Variants in SMARCC1 observed in about 807,000 individuals in gnomAD.
SMARCC1 encodes SWI/SNF related BAF chromatin remodeling complex subunit C1.
Under a neutral mutation model 147.4 loss-of-function variants are expected in SMARCC1, and 43 were observed. The observed-to-expected ratio is 0.29, with a 90% CI of 0.23 to 0.38. SMARCC1 has a LOEUF of 0.38. SMARCC1 is among the 10% of genes least tolerant of loss of function. The pLI is 1.00. For synonymous variants in SMARCC1, 495 were observed against 484.4 expected (o/e 1.02, Z -0.29); for missense variants, 1,119 against 1,381.1 (o/e 0.81, Z 3.01).
Position 47,610,106 on chromosome 3 carries a change from C to G in SMARCC1, c.3003G>C (p.Leu1001=). The change falls in exon 26 of 28, where the codon CTG becomes CTC. Residue 1001 remains leucine, a synonymous_variant. Coordinates refer to ENST00000254480, the MANE Select transcript of SMARCC1 (RefSeq NM_003074.4). ...MPHQQPPPYP[L]MHHQMPPPHP... ...GAGGTGGTGGCATCTGGTGGTGCATCAGAGGGTAGGGAGGGGGCTGTTGAT... is the reference window on the plus strand; with the variant it reads ...GAGGTGGTGGCATCTGGTGGTGCATGAGAGGGTAGGGAGGGGGCTGTTGAT... 6.2e-7 allele frequency: 1 copy of G among 1,613,102 alleles called. No homozygotes were observed. The highest frequency in any genetic ancestry group is 8.5e-7 in the Non-Finnish European group (1 of 1,180,006).
chr3:47,738,394 C>T (rs574633614), intron 3 of SMARCC1, among the ~76,000 whole-genome samples: 2 of 152,082 alleles, frequency 1.3e-5, no homozygotes, highest in East Asian at 3.9e-4. Flanking sequence ...AAAAGTAGTC[C>T]ACATATCCAG....
intron 19 of SMARCC1, 54 bp downstream of exon 19, chr3:47,670,603 TA>T: frequency 8.9e-7 from 1 of 1,122,572 alleles, no homozygotes; most frequent in Non-Finnish European, 1.4e-6. Context: ...CAAAACAAAA[TA>T]AAATGCTAGT....
chr3:47,724,036 A>G (rs2034268727), intron 6 of SMARCC1, among the ~76,000 whole-genome samples: 1 of 152,184 alleles, frequency 6.6e-6, no homozygotes, highest in South Asian at 2.1e-4. Context: ...AATACAGAGA[A>G]ACTGGAACCA....
chr3:47,715,153 G>C (rs901018059), intron 7 of SMARCC1, among the ~76,000 whole-genome samples: 3 of 152,072 alleles, frequency 2.0e-5, no homozygotes, highest in Non-Finnish European at 4.4e-5. Flanking sequence ...CTTCTCCCTT[G>C]CTAATTTCAT....
chr3:47,660,444 TAAAAAA>T (rs71070206), intron 21 of SMARCC1, among the ~76,000 whole-genome samples: 2 of 67,322 alleles, frequency 3.0e-5, no homozygotes, highest in Admixed American at 1.7e-4. Context: ...AGACTCTGTC[TAAAAAA>T]AAAAAAAAAA....
chr3:47,635,040 C>A, intron 24 of SMARCC1, 150 bp downstream of exon 24: 7 of 665,866 alleles, frequency 1.1e-5, no homozygotes, highest in Non-Finnish European at 1.8e-5. Flanking sequence ...CCTCCTCCTG[C>A]CTGTGGATTT....
At chr3:47,653,020 A>G (rs974595002) in intron 21 of SMARCC1, among the ~76,000 whole-genome samples, 2 of 146,664 alleles carry the variant, frequency 1.4e-5, no homozygotes, top group Non-Finnish European at 3.0e-5. Context: ...GCAGTGGCGC[A>G]ATCTCGGCTC....
intron 7 of SMARCC1, among the ~76,000 whole-genome samples, chr3:47,719,073 C>T (rs1334080343): frequency 2.6e-5 from 4 of 152,030 alleles, no homozygotes; most frequent in African/African-American, 7.3e-5. Context: ...CCACCATGCC[C>T]GGCCAATTTT....
intron 6 of SMARCC1, among the ~76,000 whole-genome samples, chr3:47,726,460 G>A (rs145202039): frequency 6.6e-6 from 1 of 152,232 alleles, no homozygotes; most frequent in African/African-American, 2.4e-5. Flanking sequence ...CTATTAATCA[G>A]TGTTTTGCTT....
At chr3:47,754,700 A>T (rs1307380575) in intron 2 of SMARCC1, among the ~76,000 whole-genome samples, 3 of 148,292 alleles carry the variant, frequency 2.0e-5, no homozygotes, top group Non-Finnish European at 4.4e-5. Flanking sequence ...CAAAGGGAGG[A>T]AAAAAAAGAA....
chr3:47,663,974 CA>C, intron 19 of SMARCC1: 1 of 1,196,644 alleles, frequency 8.4e-7, no homozygotes, highest in Non-Finnish European at 1.2e-6. Flanking sequence ...GAAATGATTC[CA>C]AAACCCAGGA....
intron 2 of SMARCC1, among the ~76,000 whole-genome samples, chr3:47,756,485 A>G (rs548598945): frequency 4.4e-4 from 64 of 145,834 alleles, no homozygotes; most frequent in Non-Finnish European, 8.8e-4. Context: ...GTGAGCTGAG[A>G]TCGCGCCATT....
chr3:47,677,046 T>G (rs917599809), intron 16 of SMARCC1, among the ~76,000 whole-genome samples: 1 of 152,124 alleles, frequency 6.6e-6, no homozygotes, highest in African/African-American at 2.4e-5. Context: ...GAATACGCAT[T>G]TAGGTCCATG....
At chr3:47,717,534 G>A (rs866509931) in intron 7 of SMARCC1, among the ~76,000 whole-genome samples, 2 of 152,064 alleles carry the variant, frequency 1.3e-5, no homozygotes, top group African/African-American at 2.4e-5. Flanking sequence ...TCAATCAATC[G>A]TGTCATTTAA....
intron 14 of SMARCC1, among the ~76,000 whole-genome samples, chr3:47,683,444 T>C (rs751889029): frequency 1.3e-5 from 2 of 152,202 alleles, no homozygotes; most frequent in Admixed American, 1.3e-4. Flanking sequence ...TCACTGACTA[T>C]ATTCTTTTAA....
chr3:47,716,968 G>A (rs1425958649), intron 7 of SMARCC1, among the ~76,000 whole-genome samples: 1 of 152,120 alleles, frequency 6.6e-6, no homozygotes, highest in Non-Finnish European at 1.5e-5. Flanking sequence ...GGGAGGGGAA[G>A]TTATTCACTT....
Position 47,636,016 on chromosome 3 carries a change from A to G in SMARCC1, c.2491+6T>C. 1.4e-6 allele frequency: 2 copies of G among 1,414,466 alleles called. No individual in the cohort carries two copies. The highest frequency in any genetic ancestry group is 2.0e-6 in the Non-Finnish European group (2 of 1,009,002). 87.6% of individuals were successfully genotyped at this position (1,414,466 alleles called of 1,614,324 possible). On this transcript the variant is annotated splice_donor_region_variant and intron_variant, in intron 23 of 27. Coordinates refer to ENST00000254480, the MANE Select transcript of SMARCC1 (RefSeq NM_003074.4). ...TAATAATATCTAAGGAGTTTCCTCA[A>G]ATTACCTGATTTGGTATCCTCACTC...
chr3:47,656,263 G>A (rs143376903), intron 21 of SMARCC1, among the ~76,000 whole-genome samples: 62 of 152,248 alleles, frequency 4.1e-4, no homozygotes, highest in Non-Finnish European at 7.4e-4. Flanking sequence ...CCGGTACTAC[G>A]TATAAAGTTG....
At chr3:47,649,478 G>C (rs1207113454) in intron 21 of SMARCC1, among the ~76,000 whole-genome samples, 1 of 152,164 alleles carries the variant, frequency 6.6e-6, no homozygotes, top group Non-Finnish European at 1.5e-5. Context: ...ACCATTAGTT[G>C]GGTTCTTTAA....
Sources: gnomAD v4.1 joint callset for allele counts (sites outside exome capture counted in the v4.1 genomes callset) on GRCh38, gnomAD v4.1.1 for gene constraint, MANE v1.5 for transcripts, NCBI Gene and HGNC (gene_info 2026-07-23, HGNC 2026-07-21) for gene names.